The following CYFIP2 variants were observed in gnomAD, a reference collection of about 807,000 sequenced individuals.
CYFIP2 encodes the protein cytoplasmic FMR1-interacting protein 2.
A neutral mutation model predicts 158.7 loss-of-function variants in CYFIP2; 29 were observed. That is an observed-to-expected ratio of 0.18 (90% CI 0.14 to 0.25). CYFIP2 has a LOEUF of 0.25. Among genes scored for constraint, CYFIP2 ranks in the 10% least tolerant of loss-of-function variants. The probability of loss-of-function intolerance (pLI) is 1.00; values close to 1 mark genes in which losing one functional copy is unlikely to be tolerated. For synonymous variants in CYFIP2, 585 were observed against 617.6 expected (o/e 0.95, Z 0.78); for missense variants, 852 against 1,639.5 (o/e 0.52, Z 8.29).
chr5:157,295,640 G>A (rs1281930088), intron 4 of CYFIP2, among the ~76,000 whole-genome samples: 1 of 152,174 alleles, frequency 6.6e-6, no homozygotes, highest in Non-Finnish European at 1.5e-5. Context: ...ACCTGTTTGT[G>A]GTGACTTTGT....
intron 1 of CYFIP2, among the ~76,000 whole-genome samples, chr5:157,276,201 G>A (rs1047166088): frequency 6.6e-6 from 1 of 152,142 alleles, no homozygotes; most frequent in African/African-American, 2.4e-5. Context: ...GAAATGCTAA[G>A]AGCAGACTTA....
chr5:157,374,539 A>G (rs1765283923), intron 26 of CYFIP2, among the ~76,000 whole-genome samples: 1 of 152,146 alleles, frequency 6.6e-6, no homozygotes, highest in Admixed American at 6.5e-5. Context: ...AAAAGCAGCA[A>G]TGATCTGAGA....
chr5:157,322,324 G>A (rs1029293355), intron 15 of CYFIP2, among the ~76,000 whole-genome samples: 5 of 152,204 alleles, frequency 3.3e-5, no homozygotes, highest in South Asian at 2.1e-4. Flanking sequence ...GCTCTGGTAC[G>A]GTCTTCAGGA....
rs566900501 is a variant in CYFIP2, at chr5:157,386,989, A to C, written c.3208-2200A>C. The stretch of plus-strand genomic sequence containing the variant: ...ATTGTTCATAATTGTGAGTTTGTAA[A>C]CAATTTAAGATAACCAAGTATATAC... On this transcript the variant is annotated intron_variant, in intron 28 of 30. Coordinates refer to ENST00000620254, the MANE Select transcript of CYFIP2 (RefSeq NM_001037333.3). Among the ~76,000 whole-genome samples, 114 of 152,246 alleles carry C rather than the reference A, an allele frequency of 7.5e-4. 1 individual carries two copies. The highest frequency in any genetic ancestry group is 2.5e-3 in the African/African-American group (103 of 41,568).
intron 3 of CYFIP2, among the ~76,000 whole-genome samples, chr5:157,293,813 C>T (rs2113867033): frequency 6.6e-6 from 1 of 152,134 alleles, no homozygotes; most frequent in South Asian, 2.1e-4. Context: ...AAATCAGTCT[C>T]CCCAAAGGCT....
intron 1 of CYFIP2, among the ~76,000 whole-genome samples, chr5:157,281,412 A>G (rs964986946): frequency 7.9e-5 from 12 of 152,230 alleles, no homozygotes; most frequent in Non-Finnish European, 1.3e-4. Context: ...CATCTCTTCT[A>G]TAGTTCGGTT....
chr5:157,294,919 T>G (rs886864862), intron 4 of CYFIP2, 59 bp downstream of exon 4: 4 of 1,397,510 alleles, frequency 2.9e-6, no homozygotes, highest in Non-Finnish European at 4.0e-6. Context: ...TAACCCCTAC[T>G]TCATCCCCAA....
chr5:157,294,775 C>T lies in CYFIP2; in HGVS notation c.208-8C>T. 6.2e-7 allele frequency: 1 copy of T among 1,613,196 alleles called. No homozygotes were observed. The highest frequency in any genetic ancestry group is 8.5e-7 in the Non-Finnish European group (1 of 1,179,350). ...TTCCTCCCTGCTGAGGCTGTTTTAC[C>T]ATTTCAGAATGAGATGCTGGAGGAA... On this transcript the variant is annotated splice_polypyrimidine_tract_variant and splice_region_variant and intron_variant, in intron 3 of 30. Coordinates refer to ENST00000620254, the MANE Select transcript of CYFIP2 (RefSeq NM_001037333.3).
At chr5:157,346,985 T>C (rs1238568341) in intron 23 of CYFIP2, among the ~76,000 whole-genome samples, 1 of 152,216 alleles carries the variant, frequency 6.6e-6, no homozygotes, top group Non-Finnish European at 1.5e-5. Context: ...ATTGCCACCA[T>C]TCTATTGAGA....
chr5:157,327,307 G>A (rs1761100785), intron 18 of CYFIP2, among the ~76,000 whole-genome samples: 1 of 152,208 alleles, frequency 6.6e-6, no homozygotes, highest in Non-Finnish European at 1.5e-5. Flanking sequence ...GCTCATGCCT[G>A]TAATCCTAGC....
At chr5:157,306,503 C>T (rs1759234009) in intron 8 of CYFIP2, among the ~76,000 whole-genome samples, 1 of 152,170 alleles carries the variant, frequency 6.6e-6, no homozygotes, top group Non-Finnish European at 1.5e-5. Context: ...ATGGTTTTGC[C>T]ACATGGTTAG....
At chr5:157,294,153 C>T (rs1220086884) in intron 3 of CYFIP2, among the ~76,000 whole-genome samples, 1 of 152,206 alleles carries the variant, frequency 6.6e-6, no homozygotes, top group Non-Finnish European at 1.5e-5. Flanking sequence ...AGAATTCACA[C>T]ACCTCTCATA....
chr5:157,315,379 G>T (rs1760058137), intron 13 of CYFIP2, among the ~76,000 whole-genome samples: 1 of 152,178 alleles, frequency 6.6e-6, no homozygotes, highest in Non-Finnish European at 1.5e-5. Flanking sequence ...GCTACAAGAG[G>T]TATGAAAAAT....
At chr5:157,295,145 A>G (rs1398600512) in intron 4 of CYFIP2, among the ~76,000 whole-genome samples, 1 of 152,206 alleles carries the variant, frequency 6.6e-6, no homozygotes, top group Non-Finnish European at 1.5e-5. Flanking sequence ...GTATGAAGTA[A>G]AAAGAAAGAT....
chr5:157,343,121 C>T (rs1427635038), intron 23 of CYFIP2: 5 of 1,614,060 alleles, frequency 3.1e-6, no homozygotes, highest in East Asian at 4.5e-5. Flanking sequence ...CTCATGGCAA[C>T]GGACACACCA....
At position 157,310,952 on chromosome 5, in the gene CYFIP2, G is replaced by C. The variant is rs1023120036; in HGVS notation, c.993-712G>C. The C allele has an allele frequency of 1.1e-5, 5 of 455,166 alleles. No homozygotes were observed. In the East Asian group the frequency reaches 3.5e-4, roughly 32 times the overall value. 28.2% of individuals were successfully genotyped at this position (455,166 alleles called of 1,614,324 possible). The stretch of plus-strand genomic sequence containing the variant: ...TGAAGGGAGTGGTCCTTTTTCTCTT[G>C]GGGATGGAGAGTGAAGATGTTCATT... On this transcript the variant is annotated intron_variant, in intron 10 of 30. Coordinates refer to ENST00000620254, the MANE Select transcript of CYFIP2 (RefSeq NM_001037333.3).
chr5:157,315,204 C>A, intron 13 of CYFIP2, 110 bp downstream of exon 13: 1 of 1,403,262 alleles, frequency 7.1e-7, no homozygotes, highest in East Asian at 2.5e-5. Context: ...TTTTCGTGCT[C>A]TTCCCTGTCC....
chr5:157,393,963 T>C lies in CYFIP2; in HGVS notation c.*963T>C, dbSNP rs1391241615. The C allele has an allele frequency of 6.6e-6, 1 of 152,134 alleles. No individual in the cohort carries two copies. The highest frequency in any genetic ancestry group is 2.4e-5 in the African/African-American group (1 of 41,422). 9.4% of individuals were successfully genotyped at this position (152,134 alleles called of 1,614,324 possible). On this transcript the variant is annotated 3_prime_UTR_variant, in exon 31 of 31. Transcript: ENST00000620254. ...ATTTCCACAGAAGCCCAAAACGTCT[T>C]GGAAACACAGAGGTGAGGAGGAGGA...
intron 24 of CYFIP2, 107 bp from the exon 25 acceptor site, chr5:157,360,175 C>T (rs943154222): frequency 2.5e-5 from 22 of 870,082 alleles, no homozygotes; most frequent in Admixed American, 1.2e-4. Flanking sequence ...GACTGTTCCC[C>T]GCCTTTAGGC....
Sources: allele counts gnomAD v4.1 joint callset (sites outside exome capture counted in the v4.1 genomes callset), GRCh38; gene constraint gnomAD v4.1.1; transcripts MANE v1.5; gene names NCBI Gene and HGNC (gene_info 2026-07-23, HGNC 2026-07-21).